Variants in ACER3 observed in about 807,000 individuals in gnomAD.
The protein encoded by ACER3 is alkaline ceramidase 3.
Under a neutral mutation model 48.9 loss-of-function variants are expected in ACER3, and 16 were observed. That is an observed-to-expected ratio of 0.33 (90% confidence interval 0.22 to 0.50). ACER3 has a LOEUF of 0.50. ACER3 is among the 20% of genes least tolerant of loss of function. The pLI is 0.98. For missense variants in ACER3, 227 were observed against 326.0 expected, an observed-to-expected ratio of 0.70 and a Z score of 2.34; for synonymous variants, 109 against 107.8, an observed-to-expected ratio of 1.01 and a Z score of -0.07.
chr11:76,903,209 G>A (rs1361894419), intron 1 of ACER3, among the ~76,000 whole-genome samples: 3 of 151,682 alleles, frequency 2.0e-5, no homozygotes, highest in African/African-American at 7.3e-5. Flanking sequence ...AGTATACCTG[G>A]ACAGTTCAAA....
chr11:76,944,481 T>TA (rs933567671), intron 2 of ACER3, among the ~76,000 whole-genome samples: 2 of 120,580 alleles, frequency 1.7e-5, no homozygotes, highest in Non-Finnish European at 3.7e-5. Flanking sequence ...TGGCAGGATA[T>TA]AAAATTTTTG....
At chr11:76,894,936 A>G (rs976482346) in intron 1 of ACER3, among the ~76,000 whole-genome samples, 3 of 152,200 alleles carry the variant, frequency 2.0e-5, no homozygotes, top group African/African-American at 7.2e-5. Context: ...CTGTCTGATA[A>G]ATTTTGGCTT....
In ACER3 at chr11:77,026,586, G is replaced by A. The variant is rs1949552575; in HGVS notation, c.*6259G>A. 1 of 152,132 alleles carries A rather than the reference G, an allele frequency of 6.6e-6. No homozygotes were observed. Among genetic ancestry groups the A allele is most frequent in the Admixed American group, 6.6e-5 (1 of 15,256 alleles). 9.4% of individuals were successfully genotyped at this position (152,132 alleles called of 1,614,324 possible). A position where few individuals can be genotyped will look rare whatever the true frequency, so the allele number is the denominator to read the frequency against. On this transcript the variant is annotated 3_prime_UTR_variant, in exon 11 of 11. Coordinates refer to ENST00000532485, the MANE Select transcript of ACER3 (RefSeq NM_018367.7). ...AGCGATTATTTAATAAACATACATT[G>A]TACTGAATCTTACTAGCAACTAACT...
intron 2 of ACER3, among the ~76,000 whole-genome samples, chr11:76,940,423 T>A (rs1226758507): frequency 6.6e-6 from 1 of 152,246 alleles, no homozygotes; most frequent in Non-Finnish European, 1.5e-5. Context: ...AAAATATTTT[T>A]AAAATAAAAT....
At chr11:76,938,328 CT>C (rs1002659561) in intron 2 of ACER3, among the ~76,000 whole-genome samples, 18 of 151,784 alleles carry the variant, frequency 1.2e-4, no homozygotes, top group African/African-American at 3.9e-4. Flanking sequence ...AAATGAAAAA[CT>C]TTTTTTTGAG....
At chr11:76,961,531 T>A (rs1590995485) in intron 3 of ACER3, among the ~76,000 whole-genome samples, 1 of 150,126 alleles carries the variant, frequency 6.7e-6, no homozygotes, top group Middle Eastern at 3.4e-3. Flanking sequence ...GAACCAGGGC[T>A]GATTCCAAGG....
chr11:76,933,292 T>A (rs1340152019), intron 2 of ACER3, among the ~76,000 whole-genome samples: 3 of 149,914 alleles, frequency 2.0e-5, no homozygotes, highest in Non-Finnish European at 4.5e-5. Flanking sequence ...TTTATTTTTT[T>A]ATTTTTTTTA....
At chr11:76,862,305 A>G (rs146055106) in intron 1 of ACER3, among the ~76,000 whole-genome samples, 14 of 151,436 alleles carry the variant, frequency 9.2e-5, no homozygotes, top group African/African-American at 3.4e-4. Flanking sequence ...AAAAAAGAAC[A>G]CTTTTTGCAG....
chr11:76,861,122 G>T, intron 1 of ACER3, 43 bp downstream of exon 1: 1 of 1,505,122 alleles, frequency 6.6e-7, no homozygotes, highest in Non-Finnish European at 9.0e-7. Context: ...AGAGGGCACC[G>T]GGCTGAGGAG....
chr11:76,871,884 A>T (rs916916599), intron 1 of ACER3, among the ~76,000 whole-genome samples: 1 of 152,154 alleles, frequency 6.6e-6, no homozygotes, highest in Non-Finnish European at 1.5e-5. Flanking sequence ...ATGTGATGGT[A>T]TGTTAGAGTC....
chr11:76,948,211 CTGTGTGTGTGTGTGTGTG>C (rs57302394), intron 2 of ACER3, among the ~76,000 whole-genome samples: 290 of 135,768 alleles, frequency 2.1e-3, no homozygotes, highest in South Asian at 4.0e-3. Flanking sequence ...CTGGCTCACT[CTGTGTGTGTGTGTGTGTG>C]TGTGTGTGTG....
intron 7 of ACER3, among the ~76,000 whole-genome samples, chr11:77,014,245 T>C (rs1367581175): frequency 6.6e-6 from 1 of 152,226 alleles, no homozygotes; most frequent in Non-Finnish European, 1.5e-5. Context: ...CTCACAGGGA[T>C]TTTTTTAACA....
intron 4 of ACER3, among the ~76,000 whole-genome samples, chr11:76,977,832 C>T (rs527817938): frequency 2.0e-5 from 3 of 152,296 alleles, no homozygotes; most frequent in African/African-American, 7.2e-5. Flanking sequence ...CTTGGAGTTC[C>T]AGGAAACCCC....
At chr11:76,872,005 A>G (rs12292156) in intron 1 of ACER3, among the ~76,000 whole-genome samples, 104,313 of 148,150 alleles carry the variant, frequency 0.7, 37,126 homozygotes, top group Non-Finnish European at 0.74. Context: ...AGTGTAATGA[A>G]GCATATCTGA....
chr11:76,884,118 A>G (rs1356816029), intron 1 of ACER3, among the ~76,000 whole-genome samples: 1 of 152,068 alleles, frequency 6.6e-6, no homozygotes, highest in Non-Finnish European at 1.5e-5. Flanking sequence ...TTCTTCCCCT[A>G]TTAGTTCTTT....
In ACER3 at chr11:77,022,486, C is replaced by T. The variant is rs1342015417; in HGVS notation, c.*2159C>T. 6.6e-6 allele frequency: 1 copy of T among 152,204 alleles called. No homozygotes were observed. The highest frequency in any genetic ancestry group is 6.5e-5 in the Admixed American group (1 of 15,282). 9.4% of individuals were successfully genotyped at this position (152,204 alleles called of 1,614,324 possible). On this transcript the variant is annotated 3_prime_UTR_variant, in exon 11 of 11. Transcript: ENST00000532485. ...AGCCAGGCTCTTTAATGTTCCAAGT[C>T]AGCTGTGCCTCACACAAGGCTCTCT...
intron 1 of ACER3, among the ~76,000 whole-genome samples, chr11:76,884,878 C>T (rs995644845): frequency 7.2e-5 from 11 of 152,116 alleles, no homozygotes; most frequent in African/African-American, 2.7e-4. Flanking sequence ...ATCCTCCCAC[C>T]TCAGCCTCTG....
At chr11:76,867,487 A>G (rs1478877178) in intron 1 of ACER3, among the ~76,000 whole-genome samples, 12 of 123,330 alleles carry the variant, frequency 9.7e-5, no homozygotes, top group East Asian at 2.5e-4. Flanking sequence ...AAAAAAAAAA[A>G]AAAAAAAAAA....
chr11:76,994,143 T>C (rs1416322760), intron 6 of ACER3: 1 of 451,512 alleles, frequency 2.2e-6, no homozygotes, highest in Non-Finnish European at 4.4e-6. Flanking sequence ...TTTCTTTTTT[T>C]TTTTTTGATA....
Sources: gnomAD v4.1 joint callset for allele counts (sites outside exome capture counted in the v4.1 genomes callset) on GRCh38, gnomAD v4.1.1 for gene constraint, MANE v1.5 for transcripts, NCBI Gene and HGNC (gene_info 2026-07-23, HGNC 2026-07-21) for gene names.